GRIN2B: variants seen among roughly 807,000 people sequenced by gnomAD.
The protein encoded by GRIN2B is glutamate receptor ionotropic, NMDA 2B.
Under a neutral mutation model 114.5 loss-of-function variants are expected in GRIN2B, and 5 were observed. The ratio of observed to expected loss-of-function variants is 0.04; its 90% CI spans 0.02 to 0.09. GRIN2B has a LOEUF of 0.09. Among genes scored for constraint, GRIN2B ranks in the 10% least tolerant of loss-of-function variants. The pLI is 1.00. For missense variants in GRIN2B, 1,108 were observed against 1,943.5 expected, an observed-to-expected ratio of 0.57 and a Z score of 8.08; for synonymous variants, 787 against 745.1, an observed-to-expected ratio of 1.06 and a Z score of -0.92.
intron 5 of GRIN2B, among the ~76,000 whole-genome samples, chr12:13,667,573 T>C (rs1407432955): frequency 2.0e-5 from 3 of 152,180 alleles, no homozygotes; most frequent in African/African-American, 7.2e-5. Flanking sequence ...TGTCTAATCA[T>C]AGGGAACCAG....
intron 5 of GRIN2B, among the ~76,000 whole-genome samples, chr12:13,662,622 CT>C (rs1232596520): frequency 3.3e-5 from 5 of 152,148 alleles, no homozygotes; most frequent in African/African-American, 1.2e-4. Context: ...ACTTGTTGGT[CT>C]TGTTCAATAC....
chr12:13,750,190 A>G (rs1863457982), intron 4 of GRIN2B, among the ~76,000 whole-genome samples: 2 of 152,176 alleles, frequency 1.3e-5, no homozygotes, highest in Non-Finnish European at 2.9e-5. Context: ...ATTGATGAAT[A>G]ATAATCCTTA....
At position 13,917,434 on chromosome 12, in the gene GRIN2B, C is replaced by T. The variant is rs546652496; in HGVS notation, c.-18-51208G>A. ...GGTGGGCCGGCTGTATTGCGAAGTG[C>T]TGTGGTACTTAAATAAGAGGCACTA... is the stretch of plus-strand genomic sequence containing the variant. On this transcript the variant is annotated intron_variant, in intron 2 of 13. Transcript: ENST00000609686. Among the ~76,000 whole-genome samples, 60 of 152,198 alleles carry T rather than the reference C, an allele frequency of 3.9e-4. 2 individuals carry two copies. The South Asian group carries it at 0.012, about 30-fold the overall frequency.
intron 2 of GRIN2B, among the ~76,000 whole-genome samples, chr12:13,964,702 A>G (rs1867758611): frequency 6.6e-6 from 1 of 152,176 alleles, no homozygotes; most frequent in Non-Finnish European, 1.5e-5. Context: ...TCATTTTGGG[A>G]ATTGCTGCTT....
intron 4 of GRIN2B, among the ~76,000 whole-genome samples, chr12:13,737,030 CAA>C (rs368902113): frequency 2.0e-5 from 2 of 100,628 alleles, no homozygotes; most frequent in African/African-American, 7.9e-5. Flanking sequence ...AACTCCATCT[CAA>C]AAAAAAAAAA....
intron 4 of GRIN2B, among the ~76,000 whole-genome samples, chr12:13,676,147 C>G (rs1423798443): frequency 6.6e-6 from 1 of 152,008 alleles, no homozygotes; most frequent in Non-Finnish European, 1.5e-5. Context: ...AATGTGAACA[C>G]ATAGACACAG....
At chr12:13,726,466 T>C (rs1000967481) in intron 4 of GRIN2B, among the ~76,000 whole-genome samples, 1 of 150,038 alleles carries the variant, frequency 6.7e-6, no homozygotes, top group Non-Finnish European at 1.5e-5. Flanking sequence ...ACTCAGGAGG[T>C]GGAGGTTACA....
At chr12:13,638,475 C>T (rs1949684801) in intron 5 of GRIN2B, among the ~76,000 whole-genome samples, 1 of 152,078 alleles carries the variant, frequency 6.6e-6, no homozygotes, top group Non-Finnish European at 1.5e-5. Flanking sequence ...AGAGGCAGCC[C>T]TTGAGCACTG....
At chr12:13,750,637 G>A (rs1425640469) in intron 4 of GRIN2B, among the ~76,000 whole-genome samples, 1 of 152,220 alleles carries the variant, frequency 6.6e-6, no homozygotes, top group African/African-American at 2.4e-5. Context: ...AAAGCAGTGG[G>A]AGGAAAACCA....
Position 13,706,976 on chromosome 12 carries a change from A to G in GRIN2B, c.1011-31117T>C, listed in dbSNP as rs2300247. ...AAAATCTCTTTGCCCAAGCTTGGCT[A>G]TAGAGAGGCAATGAGGTTTTCCAAC... On this transcript the variant is annotated intron_variant, in intron 4 of 13. Coordinates refer to ENST00000609686, the MANE Select transcript of GRIN2B (RefSeq NM_000834.5). Among the ~76,000 whole-genome samples, 124 of 152,228 alleles carry G rather than the reference A, an allele frequency of 8.1e-4. No individual in the cohort carries two copies. The East Asian group carries it at 0.022, about 27-fold the overall frequency.
At chr12:13,765,080 T>C (rs1038312232) in intron 3 of GRIN2B, among the ~76,000 whole-genome samples, 2 of 152,234 alleles carry the variant, frequency 1.3e-5, no homozygotes, top group African/African-American at 4.8e-5. Context: ...TGATCCATGC[T>C]AACAAAACAA....
chr12:13,767,670 CA>C (rs1453771467), intron 3 of GRIN2B, among the ~76,000 whole-genome samples: 2 of 152,218 alleles, frequency 1.3e-5, no homozygotes, highest in East Asian at 3.9e-4. Context: ...ATCTATGTAA[CA>C]ATTTACCAAC....
At chr12:13,925,484 C>T (rs1219564556) in intron 2 of GRIN2B, among the ~76,000 whole-genome samples, 1 of 152,134 alleles carries the variant, frequency 6.6e-6, no homozygotes, top group African/African-American at 2.4e-5. Flanking sequence ...TTTCTGATTT[C>T]CACCATTTTG....
chr12:13,615,421 G>T lies in GRIN2B; in HGVS notation c.1500+72C>A. 6.8e-7 allele frequency: 1 copy of T among 1,479,588 alleles called. No individual in the cohort carries two copies. The highest frequency in any genetic ancestry group is 9.5e-7 in the Non-Finnish European group (1 of 1,057,262). 91.7% of individuals were successfully genotyped at this position (1,479,588 alleles called of 1,614,324 possible). ...TTTCTGAAATGCATAAAGTGAGCAC[G>T]TTTTAAACTTATATTTAGAAGAAGG... On this transcript the variant is annotated intron_variant, in intron 7 of 13. Transcript: ENST00000609686. The surrounding 1 kb of genome is among the most constrained non-coding windows in gnomAD (Gnocchi z 5.8).
intron 4 of GRIN2B, among the ~76,000 whole-genome samples, chr12:13,705,298 G>A (rs992197359): frequency 7.2e-5 from 11 of 152,104 alleles, no homozygotes; most frequent in Admixed American, 7.2e-4. Flanking sequence ...GTTACTTGTA[G>A]TAATCATCAT....
At chr12:13,805,196 T>G (rs1200590661) in intron 3 of GRIN2B, among the ~76,000 whole-genome samples, 1 of 152,252 alleles carries the variant, frequency 6.6e-6, no homozygotes, top group East Asian at 1.9e-4. Flanking sequence ...ATTTTACAAT[T>G]AAGAAACCAA....
At chr12:13,904,229 T>G (rs1333356165) in intron 2 of GRIN2B, among the ~76,000 whole-genome samples, 2 of 152,094 alleles carry the variant, frequency 1.3e-5, no homozygotes, top group Non-Finnish European at 2.9e-5. Flanking sequence ...CTCTCTTTCT[T>G]TCCTTTCTTT....
chr12:13,881,061 C>T lies in GRIN2B; in HGVS notation c.-18-14835G>A, dbSNP rs79378719. On this transcript the variant is annotated intron_variant, in intron 2 of 13. Coordinates refer to ENST00000609686, the MANE Select transcript of GRIN2B (RefSeq NM_000834.5). ...GCAGGTGTGCATGCACATGTGCACA[C>T]GAGAGTATGTATAAAAAAGATAACT... Among the ~76,000 whole-genome samples, 7 of 152,170 alleles carry T rather than the reference C, an allele frequency of 4.6e-5. No homozygotes were observed. The East Asian group carries it at 5.8e-4, about 13-fold the overall frequency.
At chr12:13,977,266 G>C (rs931168383) in intron 2 of GRIN2B, 5 of 152,118 alleles carry the variant, frequency 3.3e-5, no homozygotes, top group African/African-American at 9.7e-5. Flanking sequence ...AGACAGACAG[G>C]CTTCCTAGGG....
Sources: gnomAD v4.1 joint callset for allele counts (sites outside exome capture counted in the v4.1 genomes callset) on GRCh38, gnomAD v4.1.1 for gene constraint, Gnocchi (gnomAD v3.1) non-coding constraint, MANE v1.5 for transcripts, NCBI Gene and HGNC (gene_info 2026-07-23, HGNC 2026-07-21) for gene names.